SRD5A2: variants seen among roughly 807,000 people sequenced by gnomAD.
The protein encoded by SRD5A2 is steroid 5 alpha-reductase 2, also known as 3-oxo-5-alpha-steroid 4-dehydrogenase 2.
Under a neutral mutation model 27.4 loss-of-function variants are expected in SRD5A2, and 30 were observed. That is an observed-to-expected ratio of 1.10 (90% confidence interval 0.82 to 1.49). The LOEUF (loss-of-function observed/expected upper bound fraction) is 1.49, where lower values mean the gene tolerates loss of function less well. Ranked by LOEUF, SRD5A2 falls within the 40% of genes most tolerant of loss-of-function variation. The pLI is 0.00. For missense variants in SRD5A2, 348 were observed against 323.4 expected (o/e 1.08, Z -0.58); for synonymous variants, 141 against 133.6 (o/e 1.06, Z -0.38).
At chr2:31,553,291 G>C (rs1010009929) in intron 1 of SRD5A2, among the ~76,000 whole-genome samples, 4 of 152,030 alleles carry the variant, frequency 2.6e-5, no homozygotes, top group African/African-American at 9.7e-5. Flanking sequence ...ACATCATCAA[G>C]ACAACAAATA....
chr2:31,646,489 C>A, the SRD5A2 span, among the ~76,000 whole-genome samples: 1 of 152,118 alleles, frequency 6.6e-6, no homozygotes, highest in East Asian at 1.9e-4. Context: ...AAGAGCACAG[C>A]CCCTCTCTTT....
intron 1 of SRD5A2, among the ~76,000 whole-genome samples, chr2:31,572,515 G>A (rs1348404888): frequency 6.6e-6 from 1 of 152,090 alleles, no homozygotes; most frequent in Non-Finnish European, 1.5e-5. Flanking sequence ...CAAACTGAGA[G>A]AAAATATTTG....
At chr2:31,549,560 T>C (rs1179050813) in intron 1 of SRD5A2, among the ~76,000 whole-genome samples, 1 of 152,072 alleles carries the variant, frequency 6.6e-6, no homozygotes, top group Admixed American at 6.6e-5. Context: ...AAATAATAAA[T>C]GTTAAAAGTA....
intron 3 of SRD5A2, 68 bp from the exon 4 acceptor site, chr2:31,529,525 T>C: frequency 6.4e-7 from 1 of 1,569,816 alleles, no homozygotes; most frequent in Non-Finnish European, 8.6e-7. Context: ...CCCATCTGTG[T>C]TGTTCCAAAA....
the SRD5A2 span, among the ~76,000 whole-genome samples, chr2:31,595,289 A>G: frequency 1.7e-4 from 26 of 152,322 alleles, no homozygotes; most frequent in African/African-American, 6.0e-4. Flanking sequence ...AAAGATAAAC[A>G]AAATTGATAG....
At position 31,526,076 on chromosome 2, in the gene SRD5A2, C is replaced by T. The variant is rs578234141; in HGVS notation, c.*120G>A. 9.8e-4 allele frequency: 600 copies of T among 614,006 alleles called. 3 individuals are homozygous for T. The highest frequency in any genetic ancestry group is 2.4e-3 in the Middle Eastern group (7 of 2,924). The allele number at this position is 614,006 out of a possible 1,614,324, so 38.0% of individuals were successfully genotyped here. ...AGAATCCCCAGGCCAGCTGGCAGAA[C>T]GCCAGGAGACCTACTATTACATATA... On this transcript the variant is annotated 3_prime_UTR_variant, in exon 5 of 5. Transcript: ENST00000622030.
the SRD5A2 span, among the ~76,000 whole-genome samples, chr2:31,596,150 C>T: frequency 2.0e-5 from 3 of 152,082 alleles, no homozygotes; most frequent in South Asian, 2.1e-4. Context: ...GGTGCTCACG[C>T]CTGTAATCTC....
intron 3 of SRD5A2, among the ~76,000 whole-genome samples, chr2:31,530,638 T>C (rs1448153733): frequency 1.3e-5 from 2 of 152,192 alleles, no homozygotes; most frequent in Admixed American, 1.3e-4. Context: ...CATCATGTCA[T>C]AATTGAGGAA....
rs760750705 is a variant in SRD5A2, at chr2:31,531,328, G to T, written c.547+43C>A. ...TACCATAGCATCATCCCTGGGACAG[G>T]CTCCAGGGAAGAGTGAGAGTCTGGG... On this transcript the variant is annotated intron_variant, in intron 3 of 4. Coordinates refer to ENST00000622030, the MANE Select transcript of SRD5A2 (RefSeq NM_000348.4). The T allele has an allele frequency of 1.6e-5, 23 of 1,406,260 alleles. 1 individual carries two copies. In the South Asian group the frequency reaches 2.9e-4, roughly 17 times the overall value. The allele number at this position is 1,406,260 out of a possible 1,614,324, so 87.1% of individuals were successfully genotyped here. A position where few individuals can be genotyped will look rare whatever the true frequency, so the allele number is the denominator to read the frequency against.
At chr2:31,531,071 G>A (rs1217127723) in intron 3 of SRD5A2, among the ~76,000 whole-genome samples, 1 of 152,140 alleles carries the variant, frequency 6.6e-6, no homozygotes, top group Non-Finnish European at 1.5e-5. Flanking sequence ...CTTACCTACT[G>A]CAATGAGGGT....
intron 1 of SRD5A2, among the ~76,000 whole-genome samples, chr2:31,542,749 C>A (rs191290498): frequency 6.6e-6 from 1 of 151,610 alleles, no homozygotes; most frequent in Admixed American, 6.6e-5. Flanking sequence ...GTCTGAGGAA[C>A]AAAAAGAAAA....
chr2:31,564,528 G>C (rs189305614), intron 1 of SRD5A2, among the ~76,000 whole-genome samples: 87 of 152,062 alleles, frequency 5.7e-4, no homozygotes, highest in Non-Finnish European at 5.7e-4. Context: ...TTTGATGAAA[G>C]ACTCAAGCTC....
At chr2:31,629,793 G>A in the SRD5A2 span, among the ~76,000 whole-genome samples, 1 of 152,158 alleles carries the variant, frequency 6.6e-6, no homozygotes, top group Non-Finnish European at 1.5e-5. Context: ...TTCCGACCAT[G>A]ACTTTCTTGA....
intron 1 of SRD5A2, among the ~76,000 whole-genome samples, chr2:31,540,906 T>C (rs1334808215): frequency 6.6e-6 from 1 of 152,188 alleles, no homozygotes; most frequent in African/African-American, 2.4e-5. Context: ...GATTGCTGCT[T>C]CTGATCAGAG....
chr2:31,591,704 T>C, the SRD5A2 span, among the ~76,000 whole-genome samples: 6 of 144,820 alleles, frequency 4.1e-5, no homozygotes, highest in Non-Finnish European at 7.5e-5. Context: ...GCAACAATGA[T>C]AGACTGGATC....
chr2:31,643,784 A>G, the SRD5A2 span, among the ~76,000 whole-genome samples: 1 of 152,216 alleles, frequency 6.6e-6, no homozygotes. Context: ...GTGATAAGCA[A>G]TTATAATCCA....
chr2:31,578,667 C>T (rs1667009006), intron 1 of SRD5A2, among the ~76,000 whole-genome samples: 1 of 152,166 alleles, frequency 6.6e-6, no homozygotes, highest in Non-Finnish European at 1.5e-5. Flanking sequence ...AGTTGTACTT[C>T]CAGTGGGCAA....
At chr2:31,635,514 T>C in the SRD5A2 span, among the ~76,000 whole-genome samples, 5 of 152,140 alleles carry the variant, frequency 3.3e-5, no homozygotes, top group African/African-American at 4.8e-5. Context: ...TTCACTTTGT[T>C]GATTGCTCCC....
the SRD5A2 span, among the ~76,000 whole-genome samples, chr2:31,592,333 G>A: frequency 1.3e-5 from 2 of 152,098 alleles, no homozygotes; most frequent in Non-Finnish European, 2.9e-5. Context: ...CAACACCCTG[G>A]CTAACCGGAA....
Sources: gnomAD v4.1 joint callset for allele counts (sites outside exome capture counted in the v4.1 genomes callset) on GRCh38, gnomAD v4.1.1 for gene constraint, MANE v1.5 for transcripts, NCBI Gene and HGNC (gene_info 2026-07-23, HGNC 2026-07-21) for gene names.